BCAR3: variants seen among roughly 807,000 people sequenced by gnomAD.
BCAR3 encodes BCAR3 adaptor protein, NSP family member, also known as breast cancer anti-estrogen resistance protein 3.
Under a neutral mutation model 80.1 loss-of-function variants are expected in BCAR3, and 37 were observed. The observed-to-expected ratio is 0.46, with a 90% confidence interval of 0.36 to 0.61. The LOEUF (loss-of-function observed/expected upper bound fraction) is 0.61. Among genes scored for constraint, BCAR3 ranks in the 20% least tolerant of loss-of-function variants. BCAR3 has a pLI of 0.00. For missense variants in BCAR3, 978 were observed against 1,068.2 expected, an observed-to-expected ratio of 0.92 and a Z score of 1.18; for synonymous variants, 389 against 418.9, an observed-to-expected ratio of 0.93 and a Z score of 0.87.
chr1:93,677,833 G>C (rs2101951313), intron 1 of BCAR3, among the ~76,000 whole-genome samples: 1 of 152,230 alleles, frequency 6.6e-6, no homozygotes, highest in South Asian at 2.1e-4. Flanking sequence ...TTAGAAGTGA[G>C]GGCAGATGGA....
intron 3 of BCAR3, among the ~76,000 whole-genome samples, chr1:93,607,486 AG>A (rs910357367): frequency 1.3e-5 from 2 of 152,010 alleles, no homozygotes; most frequent in Non-Finnish European, 2.9e-5. Flanking sequence ...GGGCCCAGGG[AG>A]GACACAGGCA....
chr1:93,568,491 C>G (rs1318343017), intron 9 of BCAR3, among the ~76,000 whole-genome samples: 5 of 152,166 alleles, frequency 3.3e-5, no homozygotes, highest in Non-Finnish European at 7.3e-5. Context: ...AAAAATTACA[C>G]TCTTGTTATA....
chr1:93,601,086 G>A (rs1674606746), intron 3 of BCAR3, among the ~76,000 whole-genome samples: 1 of 152,148 alleles, frequency 6.6e-6, no homozygotes, highest in South Asian at 2.1e-4. Flanking sequence ...CATAAGGAGT[G>A]GGGATAATAA....
chr1:93,677,337 C>G (rs539904939), intron 1 of BCAR3, among the ~76,000 whole-genome samples: 4 of 152,132 alleles, frequency 2.6e-5, no homozygotes, highest in African/African-American at 4.8e-5. Context: ...TGCTGTGGCT[C>G]GAGTGAAGCC....
chr1:93,653,550 T>C (rs968543600), intron 2 of BCAR3, among the ~76,000 whole-genome samples: 1 of 152,208 alleles, frequency 6.6e-6, no homozygotes, highest in Non-Finnish European at 1.5e-5. Flanking sequence ...ACAAACATCA[T>C]CAAGCATCTA....
intron 3 of BCAR3, among the ~76,000 whole-genome samples, chr1:93,641,337 T>TA (rs1462772996): frequency 6.6e-6 from 1 of 152,164 alleles, no homozygotes; most frequent in Non-Finnish European, 1.5e-5. Flanking sequence ...CATGCCTACA[T>TA]ACTCTGAAAC....
At chr1:93,663,341 C>A (rs1232272078) in intron 2 of BCAR3, among the ~76,000 whole-genome samples, 1 of 152,174 alleles carries the variant, frequency 6.6e-6, no homozygotes. Context: ...GGTTGCATGA[C>A]CCGACCTTCC....
chr1:93,655,726 C>T (rs1647352533), intron 2 of BCAR3, among the ~76,000 whole-genome samples: 1 of 152,204 alleles, frequency 6.6e-6, no homozygotes, highest in African/African-American at 2.4e-5. Context: ...AGCAAATAAG[C>T]TCTCCTTCCC....
chr1:93,697,210 ATG>A (rs1023804980), intron 3 of BCAR3, among the ~76,000 whole-genome samples: 19 of 152,254 alleles, frequency 1.2e-4, no homozygotes, highest in Admixed American at 1.2e-3. Flanking sequence ...AGGGATGTGC[ATG>A]TGAGTTTAAA....
chr1:93,568,490 ACT>A (rs1673060504), intron 9 of BCAR3, among the ~76,000 whole-genome samples: 1 of 152,092 alleles, frequency 6.6e-6, no homozygotes, highest in Non-Finnish European at 1.5e-5. Flanking sequence ...GAAAAATTAC[ACT>A]CTTGTTATAA....
At chr1:93,606,545 A>G (rs1674777245) in intron 3 of BCAR3, among the ~76,000 whole-genome samples, 1 of 152,188 alleles carries the variant, frequency 6.6e-6, no homozygotes, top group African/African-American at 2.4e-5. Context: ...AAAATGCACG[A>G]GGGCATAGTG....
At chr1:93,752,165 C>T (rs1651579984) in intron 2 of BCAR3, among the ~76,000 whole-genome samples, 3 of 152,254 alleles carry the variant, frequency 2.0e-5, no homozygotes, top group African/African-American at 7.2e-5. Flanking sequence ...TACTCCTCCA[C>T]TTAAAACTGT....
At chr1:93,649,602 T>C (rs1676260002) in intron 2 of BCAR3, among the ~76,000 whole-genome samples, 1 of 150,500 alleles carries the variant, frequency 6.6e-6, no homozygotes, top group Admixed American at 6.6e-5. Flanking sequence ...GTTTTACAAA[T>C]AAATCTGGTA....
Position 93,703,267 on chromosome 1 carries a change from A to T in BCAR3, c.-12+2825T>A, listed in dbSNP as rs1649711474. On this transcript the variant is annotated intron_variant, in intron 3 of 13. Transcript: ENST00000370244. ...ACATTTAACGATCAGCTGTGTGTGT[A>T]TTAGGGATTTTTAAAAAGTGAAACA... Among the ~76,000 whole-genome samples the T allele has an allele frequency of 1.3e-5, 2 of 152,238 alleles. 1 individual carries two copies. Among genetic ancestry groups the T allele is most frequent in the South Asian group, 4.1e-4 (2 of 4,836 alleles).
At chr1:93,796,398 G>A (rs1382887655) in intron 2 of BCAR3, among the ~76,000 whole-genome samples, 30 of 145,660 alleles carry the variant, frequency 2.1e-4, no homozygotes, top group Non-Finnish European at 4.1e-4. Context: ...CGCAATATTC[G>A]GGTGGGAGTG....
chr1:93,669,845 C>A (rs1241144313), intron 2 of BCAR3, among the ~76,000 whole-genome samples: 2 of 152,150 alleles, frequency 1.3e-5, no homozygotes, highest in African/African-American at 4.8e-5. Flanking sequence ...GAATGGAAAA[C>A]CAAACATCAT....
At chr1:93,822,340 C>T (rs1043940796) in intron 2 of BCAR3, among the ~76,000 whole-genome samples, 15 of 131,668 alleles carry the variant, frequency 1.1e-4, no homozygotes, top group African/African-American at 5.7e-4. Flanking sequence ...TCTCGCATGG[C>T]TAATTTTTTT....
Position 93,610,645 on chromosome 1 carries a change from C to T in BCAR3, c.358-18252G>A, listed in dbSNP as rs75496106. On this transcript the variant is annotated intron_variant, in intron 3 of 11. Transcript: ENST00000260502. ...AGGCGTCAATTGTCTTAATATAGTA[C>T]AGTAGAAAGAACGCTAGCAGCCAGG... 4.2e-3 allele frequency among the ~76,000 whole-genome samples: 635 copies of T among 152,222 alleles called. 3 individuals are homozygous for T. The highest frequency in any genetic ancestry group is 0.014 in the Middle Eastern group (4 of 294).
chr1:93,824,770 C>T (rs933510606), intron 2 of BCAR3, among the ~76,000 whole-genome samples: 7 of 134,252 alleles, frequency 5.2e-5, no homozygotes, highest in African/African-American at 1.8e-4. Flanking sequence ...GCTCTGCAAG[C>T]CCAAAGCTGC....
Sources: allele counts gnomAD v4.1 joint callset (sites outside exome capture counted in the v4.1 genomes callset), GRCh38; gene constraint gnomAD v4.1.1; transcripts MANE v1.5; gene names NCBI Gene and HGNC (gene_info 2026-07-23, HGNC 2026-07-21).